The following LIMD1 variants were observed in gnomAD, a reference collection of about 807,000 sequenced individuals.
LIMD1 encodes LIM domain containing 1, also known as LIM domain-containing protein 1.
LIMD1 carries 23 observed loss-of-function variants against 58.4 expected under a neutral mutation model. The ratio of observed to expected loss-of-function variants is 0.39; its 90% CI spans 0.28 to 0.56. The LOEUF (loss-of-function observed/expected upper bound fraction) is 0.56. LIMD1 is among the 20% of genes least tolerant of loss of function. The pLI is 0.57. For missense variants in LIMD1, 838 were observed against 855.5 expected, an observed-to-expected ratio of 0.98 and a Z score of 0.25; for synonymous variants, 334 against 345.5, an observed-to-expected ratio of 0.97 and a Z score of 0.37.
chr3:45,679,997 C>T lies in LIMD1; in HGVS notation c.*2938C>T, dbSNP rs1012206560. On this transcript the variant is annotated 3_prime_UTR_variant, in exon 8 of 8. Coordinates refer to ENST00000273317, the MANE Select transcript of LIMD1 (RefSeq NM_014240.3). ...GTCCTCTGAGGTTCTGCTGTTGAGTCCTGGGTGGCTGATGGAATGATTGAG... is the reference window on the plus strand; with the variant it reads ...GTCCTCTGAGGTTCTGCTGTTGAGTTCTGGGTGGCTGATGGAATGATTGAG... 3.3e-5 allele frequency: 5 copies of T among 152,164 alleles called. No individual in the cohort carries two copies. The highest frequency in any genetic ancestry group is 6.5e-5 in the Admixed American group (1 of 15,270). The allele number at this position is 152,164 out of a possible 1,614,324, so 9.4% of individuals were successfully genotyped here.
chr3:45,622,133 A>G (rs141592026), intron 1 of LIMD1, among the ~76,000 whole-genome samples: 2 of 151,886 alleles, frequency 1.3e-5, no homozygotes, highest in East Asian at 1.9e-4. Flanking sequence ...AACCATCACC[A>G]CTATCTAATT....
chr3:45,662,879 G>A (rs764701826), intron 2 of LIMD1, among the ~76,000 whole-genome samples: 4 of 152,022 alleles, frequency 2.6e-5, no homozygotes, highest in Non-Finnish European at 4.4e-5. Flanking sequence ...AGTTGCTTGG[G>A]AGGCTGAGGC....
chr3:45,611,026 T>C (rs888756542), intron 1 of LIMD1, among the ~76,000 whole-genome samples: 1 of 152,224 alleles, frequency 6.6e-6, no homozygotes, highest in Non-Finnish European at 1.5e-5. Flanking sequence ...GTGGCTTGCA[T>C]ATTTTTCTGC....
chr3:45,670,277 T>C (rs765336189), intron 4 of LIMD1, among the ~76,000 whole-genome samples: 1 of 152,248 alleles, frequency 6.6e-6, no homozygotes, highest in Non-Finnish European at 1.5e-5. Context: ...CTATTCTTAG[T>C]TCTAGTAATC....
chr3:45,683,625 CCAAT>C lies in LIMD1; in HGVS notation c.*6570_*6573del, dbSNP rs1220128690. On this transcript the variant is annotated 3_prime_UTR_variant, in exon 8 of 8. Transcript: ENST00000273317. ...GCCTCTGATTGGTCCCCTCCCACAA[CCAAT>C]CAAACTGATCATGGACCTCTGCTTC... is the stretch of plus-strand genomic sequence containing the variant. 1 of 152,200 alleles carries C rather than the reference CCAAT, an allele frequency of 6.6e-6. No individual in the cohort carries two copies. Among genetic ancestry groups the C allele is most frequent in the Admixed American group, 6.5e-5 (1 of 15,286 alleles). The allele number at this position is 152,200 out of a possible 1,614,324, so 9.4% of individuals were successfully genotyped here.
At chr3:45,665,374 AG>A (rs1242898014) in intron 2 of LIMD1, among the ~76,000 whole-genome samples, 1 of 151,846 alleles carries the variant, frequency 6.6e-6, no homozygotes, top group African/African-American at 2.4e-5. Context: ...CCAAGCAGAT[AG>A]GAGGTGCTGG....
intron 1 of LIMD1, among the ~76,000 whole-genome samples, chr3:45,620,487 T>C (rs1701619176): frequency 6.6e-6 from 1 of 152,196 alleles, no homozygotes; most frequent in South Asian, 2.1e-4. Context: ...TAGTTGTTGC[T>C]GTCAAGAATC....
intron 2 of LIMD1, among the ~76,000 whole-genome samples, chr3:45,660,010 G>A (rs1697407612): frequency 6.6e-6 from 1 of 152,222 alleles, no homozygotes; most frequent in Admixed American, 6.5e-5. Flanking sequence ...GCTTCTGCAT[G>A]TTCAATGATC....
chr3:45,666,329 C>G (rs1697517713), intron 3 of LIMD1, among the ~76,000 whole-genome samples: 1 of 152,210 alleles, frequency 6.6e-6, no homozygotes, highest in African/African-American at 2.4e-5. Context: ...TTCCACAATT[C>G]TGCCTCCGTT....
At chr3:45,652,741 G>A (rs1392245050) in intron 2 of LIMD1, among the ~76,000 whole-genome samples, 2 of 152,186 alleles carry the variant, frequency 1.3e-5, no homozygotes, top group East Asian at 3.8e-4. Flanking sequence ...GCAGATGTTT[G>A]TCCTCTGACT....
intron 1 of LIMD1, among the ~76,000 whole-genome samples, chr3:45,597,139 C>T (rs902207824): frequency 1.3e-5 from 2 of 152,066 alleles, no homozygotes; most frequent in Non-Finnish European, 2.9e-5. Context: ...GGATTACAGG[C>T]GTGAGCCACC....
At chr3:45,643,683 C>T (rs912712891) in intron 2 of LIMD1, among the ~76,000 whole-genome samples, 16 of 152,300 alleles carry the variant, frequency 1.1e-4, no homozygotes, top group Admixed American at 9.8e-4. Flanking sequence ...GGTAAATATA[C>T]TCTCCCCGCC....
chr3:45,653,927 G>GA (rs1701999564), intron 2 of LIMD1, among the ~76,000 whole-genome samples: 1 of 106,836 alleles, frequency 9.4e-6, no homozygotes, highest in Non-Finnish European at 2.0e-5. Context: ...AAAAAAAAAA[G>GA]AAAAAGAAAA....
chr3:45,672,925 G>GATCAC, intron 5 of LIMD1, 105 bp downstream of exon 5: 4 of 1,371,402 alleles, frequency 2.9e-6, no homozygotes, highest in Non-Finnish European at 4.1e-6. Flanking sequence ...GCCGCCCTTA[G>GATCAC]ATCACAGTCC....
intron 1 of LIMD1, among the ~76,000 whole-genome samples, chr3:45,604,291 G>A (rs144211265): frequency 1.6e-4 from 24 of 152,240 alleles, no homozygotes; most frequent in African/African-American, 4.8e-4. Flanking sequence ...ATACCGTCTC[G>A]GTCCTCTGTG....
At position 45,678,222 on chromosome 3, in the gene LIMD1, C is replaced by CA. The variant is rs1210323217; in HGVS notation, c.*1169dup. On this transcript the variant is annotated 3_prime_UTR_variant, in exon 8 of 8. Coordinates refer to ENST00000273317, the MANE Select transcript of LIMD1 (RefSeq NM_014240.3). ...CCCTTCACTTTCAGTCTTCCACACA[C>CA]AAAAAATACCTCACAGAGCTTCACC... 6 of 152,578 alleles carry CA rather than the reference C, an allele frequency of 3.9e-5. No homozygotes were observed. Among genetic ancestry groups the CA allele is most frequent in the Admixed American group, 3.9e-4 (6 of 15,278 alleles). The allele number at this position is 152,578 out of a possible 1,614,324, so 9.5% of individuals were successfully genotyped here.
At chr3:45,598,714 T>C (rs1259040942) in intron 1 of LIMD1, among the ~76,000 whole-genome samples, 1 of 151,926 alleles carries the variant, frequency 6.6e-6, no homozygotes, top group African/African-American at 2.4e-5. Flanking sequence ...GGCAGAGAGA[T>C]TTCCAGTTTT....
intron 1 of LIMD1, among the ~76,000 whole-genome samples, chr3:45,603,052 G>T (rs1164084667): frequency 6.6e-6 from 1 of 152,166 alleles, no homozygotes; most frequent in African/African-American, 2.4e-5. Flanking sequence ...TGTTGGCCAG[G>T]CTGGTCTTGA....
rs1701341428 is a variant in LIMD1, at chr3:45,595,814, C to T, written c.935C>T (p.Pro312Leu). The T allele has an allele frequency of 6.2e-7, 1 of 1,614,164 alleles. No homozygotes were observed. The highest frequency in any genetic ancestry group is 1.7e-5 in the Admixed American group (1 of 60,026). Residue 312 changes from proline to leucine, a missense_variant, in exon 1 of 8, where the codon CCA becomes CTA. By Grantham distance (98) the Pro-to-Leu change is moderately conservative. Coordinates refer to ENST00000273317, the MANE Select transcript of LIMD1 (RefSeq NM_014240.3). ...ALSCPRQGGLPRSNSGLGGEV... is the reference protein window; with the variant it reads ...ALSCPRQGGLLRSNSGLGGEV... ...AGCTGCCCCAGGCAAGGAGGTCTTC[C>T]AAGATCAAACTCGGGGCTGGGGGGT...
Sources: gnomAD v4.1 joint callset for allele counts (sites outside exome capture counted in the v4.1 genomes callset) on GRCh38, gnomAD v4.1.1 for gene constraint, MANE v1.5 for transcripts, NCBI Gene and HGNC (gene_info 2026-07-23, HGNC 2026-07-21) for gene names.